NDUFAF2: variants seen among roughly 807,000 people sequenced by gnomAD.
NDUFAF2 encodes the protein NADH dehydrogenase [ubiquinone] 1 alpha subcomplex assembly factor 2.
In NDUFAF2, 13 loss-of-function variants were observed where a neutral mutation model predicts 22.8. The ratio of observed to expected loss-of-function variants is 0.57; its 90% CI spans 0.37 to 0.91. NDUFAF2 has a LOEUF of 0.91. Ranked by LOEUF, NDUFAF2 falls within the 40% of genes least tolerant of loss-of-function variation. The probability of loss-of-function intolerance (pLI) is 0.01; values close to 1 mark genes in which losing one functional copy is unlikely to be tolerated. For missense variants in NDUFAF2, 162 were observed against 195.2 expected, an observed-to-expected ratio of 0.83 and a Z score of 1.01; for synonymous variants, 53 against 64.2, an observed-to-expected ratio of 0.83 and a Z score of 0.84.
intron 3 of NDUFAF2, among the ~76,000 whole-genome samples, chr5:61,121,185 A>G (rs959803552): frequency 1.3e-5 from 2 of 152,156 alleles, no homozygotes; most frequent in African/African-American, 4.8e-5. Context: ...TCCTATAGTC[A>G]TAAAGAATTA....
intron 1 of NDUFAF2, among the ~76,000 whole-genome samples, chr5:61,037,636 A>G (rs1561547748): frequency 6.6e-6 from 1 of 152,206 alleles, no homozygotes; most frequent in Non-Finnish European, 1.5e-5. Flanking sequence ...AAATCTTGCT[A>G]TAAAGAAACC....
At chr5:61,056,889 C>CAA (rs144850054) in intron 1 of NDUFAF2, among the ~76,000 whole-genome samples, 70 of 46,796 alleles carry the variant, frequency 1.5e-3, no homozygotes, top group Non-Finnish European at 1.9e-3. Context: ...ACTCTGTCTC[C>CAA]AAAAAAAAAA....
intron 1 of NDUFAF2, among the ~76,000 whole-genome samples, chr5:60,958,393 A>G (rs1750643987): frequency 1.3e-5 from 2 of 152,202 alleles, no homozygotes; most frequent in South Asian, 4.1e-4. Flanking sequence ...TTTGTAACAA[A>G]TTGAAAACAC....
chr5:61,048,614 T>C (rs918896678), intron 1 of NDUFAF2, among the ~76,000 whole-genome samples: 1 of 152,186 alleles, frequency 6.6e-6, no homozygotes, highest in African/African-American at 2.4e-5. Context: ...CAGGCAGCTT[T>C]CTTCAAGCCA....
rs572168464 is a variant in NDUFAF2 at position 61,013,669 on chromosome 5, A to C, written c.128-59456A>C. 4.5e-4 allele frequency among the ~76,000 whole-genome samples: 67 copies of C among 147,780 alleles called. No homozygotes were observed. In the South Asian group the frequency reaches 5.9e-3, roughly 13 times the overall value. On this transcript the variant is annotated intron_variant, in intron 1 of 3. Transcript: ENST00000296597. The stretch of plus-strand genomic sequence containing the variant: ...GCATCACTGGAGACTCAGCCAAGAT[A>C]TCTTTTGGTCCTAATGTTCCTAACT...
Position 60,945,496 on chromosome 5 carries a change from C to T in NDUFAF2, c.127+114C>T, listed in dbSNP as rs377277599. On this transcript the variant is annotated intron_variant, in intron 1 of 3. Transcript: ENST00000296597. ...GCATCATGCGACACTTAGGGTGTCA[C>T]CGGAGAGAATTTCCCGAGTTCGTTC... The T allele has an allele frequency of 4.0e-5, 58 of 1,461,324 alleles. No individual in the cohort carries two copies. The African/African-American group carries it at 7.1e-4, about 18-fold the overall frequency. 90.5% of individuals were successfully genotyped at this position (1,461,324 alleles called of 1,614,324 possible).
At chr5:61,005,461 G>A (rs1325319525) in intron 1 of NDUFAF2, among the ~76,000 whole-genome samples, 1 of 152,192 alleles carries the variant, frequency 6.6e-6, no homozygotes, top group African/African-American at 2.4e-5. Flanking sequence ...CCAGTAATGG[G>A]ATGGCTGGGT....
At chr5:60,945,498 G>A (rs1405268632) in intron 1 of NDUFAF2, 116 bp downstream of exon 1, 8 of 1,446,704 alleles carry the variant, frequency 5.5e-6, no homozygotes, top group Non-Finnish European at 6.7e-6. Context: ...GGGTGTCACC[G>A]GAGAGAATTT....
In NDUFAF2 at chr5:61,049,372, A is replaced by G. The variant is rs373541498; in HGVS notation, c.128-23753A>G. On this transcript the variant is annotated intron_variant, in intron 1 of 3. Transcript: ENST00000296597. Reference sequence around the variant, plus strand: ...TATAAGGAATAAGACACGGATTTTTACCCTCCGAAATTTGAAGAATTATCA... The same window carrying G: ...TATAAGGAATAAGACACGGATTTTTGCCCTCCGAAATTTGAAGAATTATCA... 8.1e-4 allele frequency among the ~76,000 whole-genome samples: 123 copies of G among 152,266 alleles called. 1 individual carries two copies. Among genetic ancestry groups the G allele is most frequent in the South Asian group, 3.9e-3 (19 of 4,828 alleles).
chr5:60,956,283 G>A (rs1468343395), intron 1 of NDUFAF2, among the ~76,000 whole-genome samples: 1 of 152,020 alleles, frequency 6.6e-6, no homozygotes, highest in Non-Finnish European at 1.5e-5. Context: ...AATCTTTGGG[G>A]ATTTCTATAT....
At chr5:61,122,030 A>G (rs981240144) in intron 3 of NDUFAF2, among the ~76,000 whole-genome samples, 5 of 151,990 alleles carry the variant, frequency 3.3e-5, no homozygotes, top group Admixed American at 1.3e-4. Context: ...AGGTTTTACC[A>G]TATTGGCCAG....
intron 3 of NDUFAF2, among the ~76,000 whole-genome samples, chr5:61,145,162 T>C (rs568546726): frequency 1.3e-5 from 2 of 152,188 alleles, no homozygotes; most frequent in Non-Finnish European, 2.9e-5. Context: ...AGTTGCAGCA[T>C]TGAATGCAAC....
chr5:61,073,067 G>T (rs1280615052), intron 1 of NDUFAF2, 58 bp from the exon 2 acceptor site: 8 of 1,035,490 alleles, frequency 7.7e-6, no homozygotes, highest in Non-Finnish European at 1.2e-5. Flanking sequence ...AAGATTAATT[G>T]TAGAACTACT....
intron 3 of NDUFAF2, among the ~76,000 whole-genome samples, chr5:61,122,756 A>C (rs1302887801): frequency 6.6e-6 from 1 of 152,194 alleles, no homozygotes; most frequent in South Asian, 2.1e-4. Flanking sequence ...ACAAGCATAT[A>C]AAAGTCCTGT....
chr5:61,080,265 C>G (rs1347442396), intron 2 of NDUFAF2, among the ~76,000 whole-genome samples: 2 of 152,142 alleles, frequency 1.3e-5, no homozygotes, highest in Non-Finnish European at 2.9e-5. Context: ...CATTCACGTA[C>G]AAATCTGTGA....
At chr5:61,103,499 CTG>C (rs1014162041) in intron 3 of NDUFAF2, among the ~76,000 whole-genome samples, 19 of 152,042 alleles carry the variant, frequency 1.2e-4, no homozygotes, top group African/African-American at 4.3e-4. Context: ...TATTAAAATT[CTG>C]TGTTTTATTT....
chr5:61,041,386 T>C (rs1035010806), intron 1 of NDUFAF2, among the ~76,000 whole-genome samples: 4 of 152,160 alleles, frequency 2.6e-5, no homozygotes, highest in Non-Finnish European at 5.9e-5. Flanking sequence ...TAATGACTAT[T>C]TGAGGTGGTT....
chr5:61,032,329 A>G (rs1054853090), intron 1 of NDUFAF2, among the ~76,000 whole-genome samples: 3 of 152,140 alleles, frequency 2.0e-5, no homozygotes, highest in Admixed American at 6.5e-5. Flanking sequence ...GGTATTGCCT[A>G]GGTTTTCTTC....
chr5:61,121,304 A>C (rs573159784), intron 3 of NDUFAF2, among the ~76,000 whole-genome samples: 15 of 152,250 alleles, frequency 9.9e-5, no homozygotes, highest in African/African-American at 3.6e-4. Context: ...TGATACATTT[A>C]TTTACCAGTA....
Sources: allele counts gnomAD v4.1 joint callset (sites outside exome capture counted in the v4.1 genomes callset), GRCh38; gene constraint gnomAD v4.1.1; transcripts MANE v1.5; gene names NCBI Gene and HGNC (gene_info 2026-07-23, HGNC 2026-07-21).